The following OLFM3 variants were observed in gnomAD, a reference collection of about 807,000 sequenced individuals.
The protein encoded by OLFM3 is noelin-3.
OLFM3 carries 20 observed loss-of-function variants against 48.6 expected under a neutral mutation model. The ratio of observed to expected loss-of-function variants is 0.41; its 90% CI spans 0.29 to 0.60. OLFM3 has a LOEUF of 0.60. OLFM3 is among the 20% of genes least tolerant of loss of function. The pLI is 0.28. For missense variants in OLFM3, 437 were observed against 544.3 expected, an observed-to-expected ratio of 0.80 and a Z score of 1.96; for synonymous variants, 222 against 198.1, an observed-to-expected ratio of 1.12 and a Z score of -1.01.
At chr1:101,952,252 TA>T (rs1214316253) in intron 1 of OLFM3, among the ~76,000 whole-genome samples, 1 of 152,162 alleles carries the variant, frequency 6.6e-6, no homozygotes, top group Admixed American at 6.5e-5. Flanking sequence ...TGTTTACATA[TA>T]GGTTTTCTTG....
chr1:101,826,774 C>G (rs2100902556), intron 3 of OLFM3, among the ~76,000 whole-genome samples: 1 of 152,196 alleles, frequency 6.6e-6, no homozygotes, highest in East Asian at 1.9e-4. Context: ...CTTGTGGTAT[C>G]CCTAAAGGAA....
chr1:101,837,872 A>G (rs1383959057), intron 1 of OLFM3: 3 of 152,094 alleles, frequency 2.0e-5, no homozygotes, highest in African/African-American at 7.2e-5. Flanking sequence ...ATAAACCATG[A>G]ATTTATTCAG....
intron 1 of OLFM3, among the ~76,000 whole-genome samples, chr1:101,913,685 GAAA>G (rs5776609): frequency 2.2e-5 from 3 of 137,288 alleles, no homozygotes; most frequent in South Asian, 2.4e-4. Flanking sequence ...AAGCCCTACA[GAAA>G]AAAAAAAAAA....
At chr1:101,992,128 A>T (rs1187357287) in intron 1 of OLFM3, among the ~76,000 whole-genome samples, 2 of 152,186 alleles carry the variant, frequency 1.3e-5, no homozygotes, top group African/African-American at 4.8e-5. Flanking sequence ...GGGTCTAGAA[A>T]TGAAGGACCT....
chr1:101,809,800 C>T (rs1248049689), intron 4 of OLFM3, among the ~76,000 whole-genome samples: 1 of 151,886 alleles, frequency 6.6e-6, no homozygotes, highest in Admixed American at 6.6e-5. Context: ...GTAATAGCCT[C>T]CATTGAATGG....
intron 1 of OLFM3, among the ~76,000 whole-genome samples, chr1:101,917,125 G>C (rs1202763667): frequency 6.6e-6 from 1 of 152,102 alleles, no homozygotes; most frequent in Non-Finnish European, 1.5e-5. Flanking sequence ...ACAATATTCT[G>C]TTATGTGTGC....
Position 101,804,541 on chromosome 1 carries a change from G to T in OLFM3, c.1074C>A (p.Thr358=), listed in dbSNP as rs139403729. 1 of 1,612,620 alleles carries T rather than the reference G, an allele frequency of 6.2e-7. No individual in the cohort carries two copies. The change falls in exon 6 of 6, where the codon ACC becomes ACA. Residue 358 remains threonine, a synonymous_variant. Coordinates refer to ENST00000370103, the MANE Select transcript of OLFM3 (RefSeq NM_058170.4). The surrounding 1 kb of genome is among the most constrained non-coding windows in gnomAD (Gnocchi z 4.5). ...TGCTCCAGCTCTTCATCACCTCCAA[G>T]GTATCTTGGTTAAGTTGGCTGATGA... ...NIVISQLNQD[T]LEVMKSWSTG...
rs544817482 is a variant in OLFM3, at chr1:101,984,262, A to G, written c.69+12486T>C. ...GACTCTGTCTCAAAAAAAAAAAAAA[A>G]AAAAAAGTTCTTAAATTGCAGGTGA... On this transcript the variant is annotated intron_variant, in intron 1 of 5. Transcript: ENST00000370103. Among the ~76,000 whole-genome samples the G allele has an allele frequency of 6.4e-3, 979 of 152,140 alleles. 11 individuals are homozygous for G. Among genetic ancestry groups the G allele is most frequent in the African/African-American group, 0.022 (897 of 41,466 alleles).
In OLFM3 at chr1:101,849,362, A is replaced by AC. The variant is rs541542309; in HGVS notation, c.70-12338dup. ...TAGCGGACTGTGTTTAGGGCAAGCA[A>AC]CCCAGTAGTTGCAGAAGTTCCACAA... On this transcript the variant is annotated intron_variant, in intron 1 of 5. Coordinates refer to ENST00000370103, the MANE Select transcript of OLFM3 (RefSeq NM_058170.4). 1.2e-4 allele frequency among the ~76,000 whole-genome samples: 18 copies of AC among 152,324 alleles called. No homozygotes were observed. The South Asian group carries it at 3.5e-3, about 30-fold the overall frequency.
intron 1 of OLFM3, among the ~76,000 whole-genome samples, chr1:101,875,456 G>A (rs1657260347): frequency 4.6e-5 from 7 of 151,914 alleles, no homozygotes; most frequent in Admixed American, 4.6e-4. Flanking sequence ...AATAATAGGA[G>A]AAACTATGTG....
rs1423395475 is a variant in OLFM3 at position 101,996,852 on chromosome 1, T to A, written c.-36A>T. 1.2e-6 allele frequency: 2 copies of A among 1,608,046 alleles called. No individual in the cohort carries two copies. Among genetic ancestry groups the A allele is most frequent in the Non-Finnish European group, 1.7e-6 (2 of 1,174,782 alleles). On this transcript the variant is annotated 5_prime_UTR_variant, in exon 1 of 6. Transcript: ENST00000370103. Reference sequence around the variant, plus strand: ...GTTTTTGCCCCTCTTTACTCTCTTTTATGTAGGCTCTCCACTCACTGCAGA... The same window carrying A: ...GTTTTTGCCCCTCTTTACTCTCTTTAATGTAGGCTCTCCACTCACTGCAGA...
intron 1 of OLFM3, among the ~76,000 whole-genome samples, chr1:101,966,650 A>G (rs1660618273): frequency 6.6e-6 from 1 of 152,152 alleles, no homozygotes; most frequent in Non-Finnish European, 1.5e-5. Context: ...GTACGAGATG[A>G]CAGAAAACCA....
chr1:101,994,389 A>C (rs1417389674), intron 1 of OLFM3, among the ~76,000 whole-genome samples: 3 of 150,906 alleles, frequency 2.0e-5, no homozygotes, highest in Non-Finnish European at 4.4e-5. Flanking sequence ...TATTTTTTGT[A>C]GTACTATATT....
chr1:101,805,048 C>T, intron 5 of OLFM3, 133 bp from the exon 6 acceptor site: 1 of 665,818 alleles, frequency 1.5e-6, no homozygotes, highest in Non-Finnish European at 2.5e-6. Flanking sequence ...TACTGCTGAC[C>T]TGCCGCAATG....
chr1:101,950,123 G>T (rs72993213), intron 1 of OLFM3, among the ~76,000 whole-genome samples: 8,552 of 151,580 alleles, frequency 0.056, 565 homozygotes, highest in African/African-American at 0.16. Context: ...AAGGCCATTT[G>T]GGATCTGGTC....
chr1:101,924,432 GA>G (rs1433865223), intron 1 of OLFM3, among the ~76,000 whole-genome samples: 4 of 152,142 alleles, frequency 2.6e-5, no homozygotes, highest in Non-Finnish European at 5.9e-5. Context: ...AAGTGAAATA[GA>G]GTTGAAAATA....
intron 2 of OLFM3, among the ~76,000 whole-genome samples, chr1:101,832,668 G>A (rs776766800): frequency 2.6e-5 from 4 of 152,156 alleles, no homozygotes; most frequent in Admixed American, 6.5e-5. Context: ...CAGGCACAGA[G>A]TAAGTGTTCA....
intron 1 of OLFM3, among the ~76,000 whole-genome samples, chr1:101,912,144 C>T (rs1488754815): frequency 6.6e-6 from 1 of 152,266 alleles, no homozygotes; most frequent in South Asian, 2.1e-4. Flanking sequence ...AACCTGACAG[C>T]ACTTTTTCTT....
At chr1:101,916,957 A>T (rs1658947941) in intron 1 of OLFM3, among the ~76,000 whole-genome samples, 1 of 152,236 alleles carries the variant, frequency 6.6e-6, no homozygotes, top group Admixed American at 6.5e-5. Flanking sequence ...ATGAGGAAAA[A>T]TGCTGCACTA....
Sources: allele counts gnomAD v4.1 joint callset (sites outside exome capture counted in the v4.1 genomes callset), GRCh38; gene constraint gnomAD v4.1.1; non-coding constraint Gnocchi (gnomAD v3.1); transcripts MANE v1.5; gene names NCBI Gene and HGNC (gene_info 2026-07-23, HGNC 2026-07-21).